Variants in SDK2 observed in about 807,000 individuals in gnomAD.
SDK2 encodes the protein protein sidekick-2.
A neutral mutation model predicts 253.9 loss-of-function variants in SDK2; 105 were observed. The ratio of observed to expected loss-of-function variants is 0.41; its 90% CI spans 0.35 to 0.49. The LOEUF is 0.49. Among genes scored for constraint, SDK2 ranks in the 20% least tolerant of loss-of-function variants. The pLI is 0.06. For missense variants in SDK2, 2,608 were observed against 3,003.0 expected (o/e 0.87, Z 3.07); for synonymous variants, 1,249 against 1,234.9 (o/e 1.01, Z -0.24).
chr17:73,418,956 C>T lies in SDK2; in HGVS notation c.2186+210G>A, dbSNP rs1009586458. Among the ~76,000 whole-genome samples the T allele has an allele frequency of 5.9e-5, 9 of 152,124 alleles. 1 individual carries two copies. The highest frequency in any genetic ancestry group is 3.9e-4 in the Admixed American group (6 of 15,268). ...ATAGCCTCCCCTCTCACGCATTCCT[C>T]GCTGGTGTCCAGGGGTCTTGCCACT... On this transcript the variant is annotated intron_variant, in intron 16 of 44. Transcript: ENST00000392650.
chr17:73,626,120 C>T lies in SDK2; in HGVS notation c.64+17905G>A, dbSNP rs530024413. Among the ~76,000 whole-genome samples, 20 of 152,284 alleles carry T rather than the reference C, an allele frequency of 1.3e-4. 1 individual carries two copies. The South Asian group carries it at 1.7e-3, about 13-fold the overall frequency. On this transcript the variant is annotated intron_variant, in intron 1 of 44. Coordinates refer to ENST00000392650, the MANE Select transcript of SDK2 (RefSeq NM_001144952.2). The stretch of plus-strand genomic sequence containing the variant: ...GCTGCAAGCCCCAACCTCCAGGCAG[C>T]GGGAGCCTGGCAGGCTGGAAAACAA...
At chr17:73,426,208 CTTT>C (rs751417057) in intron 12 of SDK2, among the ~76,000 whole-genome samples, 224 of 29,116 alleles carry the variant, frequency 7.7e-3, no homozygotes, top group South Asian at 0.033. Flanking sequence ...CCATGCTGGG[CTTT>C]TTTTTTTTTT....
intron 1 of SDK2, among the ~76,000 whole-genome samples, chr17:73,550,111 C>A (rs776235224): frequency 1.3e-5 from 2 of 152,180 alleles, no homozygotes; most frequent in African/African-American, 4.8e-5. Context: ...CTGCCCCTTT[C>A]CTGCATGGCA....
In SDK2 at chr17:73,383,437, G is replaced by T. The variant is rs2062848223; in HGVS notation, c.4705+439C>A. 6.6e-6 allele frequency among the ~76,000 whole-genome samples: 1 copy of T among 152,222 alleles called. No homozygotes were observed. The highest frequency in any genetic ancestry group is 1.5e-5 in the Non-Finnish European group (1 of 68,046). ...AGGGGTGTGACCAGGTGAGGCTTCTGGTCCCTCAAGGGCAGGGTGCTCCTT... is the reference window on the plus strand; with the variant it reads ...AGGGGTGTGACCAGGTGAGGCTTCTTGTCCCTCAAGGGCAGGGTGCTCCTT... On this transcript the variant is annotated intron_variant, in intron 33 of 44. Transcript: ENST00000392650. The surrounding 1 kb of genome is among the most constrained non-coding windows in gnomAD (Gnocchi z 4.3).
chr17:73,587,072 A>G (rs1177405038), intron 1 of SDK2, among the ~76,000 whole-genome samples: 3 of 152,200 alleles, frequency 2.0e-5, no homozygotes, highest in Non-Finnish European at 4.4e-5. Flanking sequence ...TGGCTGCTGC[A>G]CAGGGTAGAG....
intron 1 of SDK2, among the ~76,000 whole-genome samples, chr17:73,583,514 C>T (rs1299174802): frequency 6.6e-6 from 1 of 152,204 alleles, no homozygotes; most frequent in African/African-American, 2.4e-5. Context: ...GGAGGGCTCT[C>T]AACAACCGCC....
rs552578073 is a variant in SDK2, at chr17:73,480,642, C to G, written c.225-8424G>C. Among the ~76,000 whole-genome samples the G allele has an allele frequency of 7.8e-4, 118 of 151,946 alleles. 1 individual carries two copies. Among genetic ancestry groups the G allele is most frequent in the Non-Finnish European group, 1.5e-3 (100 of 67,986 alleles). On this transcript the variant is annotated intron_variant, in intron 2 of 44. Transcript: ENST00000392650. ...TGGGGGTGAAAATGAGAGACAGAGA[C>G]AGAGAGAGACAGTCAGAGAGACAGA...
chr17:73,343,939 C>T (rs1200750101), intron 44 of SDK2, among the ~76,000 whole-genome samples: 1 of 152,132 alleles, frequency 6.6e-6, no homozygotes, highest in Non-Finnish European at 1.5e-5. Context: ...AGGAGCCCCT[C>T]CCTCATCCAC....
At chr17:73,538,459 G>A (rs1219836784) in intron 1 of SDK2, among the ~76,000 whole-genome samples, 2 of 152,132 alleles carry the variant, frequency 1.3e-5, no homozygotes, top group African/African-American at 2.4e-5. Flanking sequence ...CTGGGGCCTC[G>A]GAGCCCTAAC....
In SDK2 at chr17:73,570,080, G is replaced by A. The variant is rs367985411; in HGVS notation, c.65-62483C>T. Among the ~76,000 whole-genome samples the A allele has an allele frequency of 6.6e-6, 1 of 152,024 alleles. No homozygotes were observed. Among genetic ancestry groups the A allele is most frequent in the Admixed American group, 6.5e-5 (1 of 15,276 alleles). On this transcript the variant is annotated intron_variant, in intron 1 of 44. Transcript: ENST00000392650. This position sits in a 1 kb window ranked among gnomAD's most constrained non-coding sequence, Gnocchi z 4.2. The stretch of plus-strand genomic sequence containing the variant: ...GGCTGGGGAAGGAAGAGAGTCAGGC[G>A]GCCCCATGACTCTCCCCAGAGCCCC...
intron 22 of SDK2, 37 bp downstream of exon 22, chr17:73,399,131 G>T: frequency 6.2e-7 from 1 of 1,609,480 alleles, no homozygotes; most frequent in East Asian, 2.2e-5. Flanking sequence ...GGGGTGCCCT[G>T]GCGGGGGCTG....
rs1274969096 is a variant in SDK2, at chr17:73,618,600, C to T, written c.64+25425G>A. On this transcript the variant is annotated intron_variant, in intron 1 of 44. Coordinates refer to ENST00000392650, the MANE Select transcript of SDK2 (RefSeq NM_001144952.2). The surrounding 1 kb of genome is among the most constrained non-coding windows in gnomAD (Gnocchi z 4.1). ...GCCCCATGAACAGGAAGGGTGTTTC[C>T]CTTTGGAATCTAGAGTCCACGTGGT... 6.6e-6 allele frequency among the ~76,000 whole-genome samples: 1 copy of T among 152,128 alleles called. No homozygotes were observed. Among genetic ancestry groups the T allele is most frequent in the East Asian group, 1.9e-4 (1 of 5,184 alleles).
intron 41 of SDK2, among the ~76,000 whole-genome samples, chr17:73,351,620 AC>A (rs1276019495): frequency 6.6e-6 from 1 of 152,106 alleles, no homozygotes; most frequent in African/African-American, 2.4e-5. Flanking sequence ...AAAGATTTAC[AC>A]GATCTGAAGA....
At chr17:73,438,228 G>A (rs1421985093) in intron 6 of SDK2, 74 bp from the exon 7 acceptor site, 4 of 1,399,918 alleles carry the variant, frequency 2.9e-6, no homozygotes, top group East Asian at 5.0e-5. Context: ...GCAGGGGGTG[G>A]TAAGGAGTGT....
intron 1 of SDK2, among the ~76,000 whole-genome samples, chr17:73,561,352 A>G (rs1421274689): frequency 6.6e-6 from 1 of 152,190 alleles, no homozygotes; most frequent in Admixed American, 6.5e-5. Context: ...GGTAGAGAGG[A>G]AAGTCTCCAA....
chr17:73,474,213 C>T (rs940780240), intron 2 of SDK2, among the ~76,000 whole-genome samples: 12 of 152,170 alleles, frequency 7.9e-5, no homozygotes, highest in African/African-American at 2.9e-4. Context: ...AAGCCCACTA[C>T]CCTGACTTTT....
At position 73,609,724 on chromosome 17, in the gene SDK2, C is replaced by G. The variant is rs970646528; in HGVS notation, c.64+34301G>C. On this transcript the variant is annotated intron_variant, in intron 1 of 44. Coordinates refer to ENST00000392650, the MANE Select transcript of SDK2 (RefSeq NM_001144952.2). This position sits in a 1 kb window ranked among gnomAD's most constrained non-coding sequence, Gnocchi z 4.4. ...AGTTTACAAGAGTTCTCCAGGGTCT[C>G]TCCAAATCCCAAAGGAGCCAAAGCA... Among the ~76,000 whole-genome samples, 9 of 152,166 alleles carry G rather than the reference C, an allele frequency of 5.9e-5. No homozygotes were observed. The highest frequency in any genetic ancestry group is 2.2e-4 in the African/African-American group (9 of 41,426).
chr17:73,381,029 C>G (rs1177148640), intron 33 of SDK2, 79 bp from the exon 34 acceptor site: 2 of 873,948 alleles, frequency 2.3e-6, no homozygotes, highest in African/African-American at 3.3e-5. Flanking sequence ...CATCCCCACC[C>G]CACAAAGAAA....
intron 2 of SDK2, among the ~76,000 whole-genome samples, chr17:73,493,844 C>T (rs546445096): frequency 1.3e-5 from 2 of 152,288 alleles, no homozygotes; most frequent in South Asian, 2.1e-4. Context: ...ACAGCAGCAT[C>T]GCCCTGCCTG....
Sources: allele counts gnomAD v4.1 joint callset (sites outside exome capture counted in the v4.1 genomes callset), GRCh38; gene constraint gnomAD v4.1.1; non-coding constraint Gnocchi (gnomAD v3.1); transcripts MANE v1.5; gene names NCBI Gene and HGNC (gene_info 2026-07-23, HGNC 2026-07-21).